Variants in CDH23 observed in about 807,000 individuals in gnomAD.
The protein encoded by CDH23 is cadherin-23.
Under a neutral mutation model 317.1 loss-of-function variants are expected in CDH23, and 189 were observed. The ratio of observed to expected loss-of-function variants is 0.60; its 90% CI spans 0.53 to 0.67. The LOEUF is 0.67. Among genes scored for constraint, CDH23 ranks in the 30% least tolerant of loss-of-function variants. The probability of loss-of-function intolerance (pLI) is 0.00; values close to 1 mark genes in which losing one functional copy is unlikely to be tolerated. For missense variants in CDH23, 4,401 were observed against 4,592.4 expected (o/e 0.96, Z 1.20); for synonymous variants, 1,839 against 1,876.8 (o/e 0.98, Z 0.52).
chr10:71,425,657 A>T (rs756081600), intron 1 of CDH23, among the ~76,000 whole-genome samples: 6 of 152,172 alleles, frequency 3.9e-5, no homozygotes, highest in Non-Finnish European at 5.9e-5. Context: ...TGCAGCCTGC[A>T]TGGGGTTCTG....
At chr10:71,493,108 C>T (rs183632468) in intron 3 of CDH23, among the ~76,000 whole-genome samples, 18 of 152,248 alleles carry the variant, frequency 1.2e-4, no homozygotes, top group African/African-American at 3.6e-4. Flanking sequence ...CAGCTCATTG[C>T]GTGGGGGAGT....
rs574150071 is a variant in CDH23 at position 71,558,471 on chromosome 10, C to A, written c.430-8271C>A. Among the ~76,000 whole-genome samples, 48 of 152,280 alleles carry A rather than the reference C, an allele frequency of 3.2e-4. 1 individual carries two copies. The highest frequency in any genetic ancestry group is 1.1e-3 in the African/African-American group (47 of 41,574). ...CTTAAGTTTTTAAATTTCTACTGGG[C>A]CTTTTTTCCTCTTGGAATATTCTTT... On this transcript the variant is annotated intron_variant, in intron 6 of 69. Transcript: ENST00000224721.
intron 29 of CDH23, 99 bp downstream of exon 29, chr10:71,724,204 A>G: frequency 7.7e-7 from 1 of 1,307,114 alleles, no homozygotes. Context: ...GGCCAAGAGA[A>G]CCCCCAGGGC....
chr10:71,477,078 C>A (rs1851829143), intron 3 of CDH23, among the ~76,000 whole-genome samples: 2 of 152,172 alleles, frequency 1.3e-5, no homozygotes, highest in East Asian at 3.9e-4. Flanking sequence ...TTGGGAGGTC[C>A]CAGCAGGGTA....
In CDH23 at chr10:71,565,069, G is replaced by T. The variant is rs564594677; in HGVS notation, c.430-1673G>T. Among the ~76,000 whole-genome samples, 6 of 152,306 alleles carry T rather than the reference G, an allele frequency of 3.9e-5. No homozygotes were observed. In the East Asian group the frequency reaches 1.2e-3, roughly 29 times the overall value. Reference sequence around the variant, plus strand: ...GTGGCCCTCCTTTCTTGTGGCAGGAGCCGTGGGCCCCCATGAAGTGTTTCG... The same window carrying T: ...GTGGCCCTCCTTTCTTGTGGCAGGATCCGTGGGCCCCCATGAAGTGTTTCG... On this transcript the variant is annotated intron_variant, in intron 6 of 69. Transcript: ENST00000224721.
chr10:71,740,145 CA>C lies in CDH23; in HGVS notation c.4488+380del, dbSNP rs1470255876. Among the ~76,000 whole-genome samples, 6 of 152,258 alleles carry C rather than the reference CA, an allele frequency of 3.9e-5. No homozygotes were observed. In the East Asian group the frequency reaches 9.6e-4, roughly 24 times the overall value. On this transcript the variant is annotated intron_variant, in intron 36 of 69. Coordinates refer to ENST00000224721, the MANE Select transcript of CDH23 (RefSeq NM_022124.6). ...TCATTTTCCCCACCTATGCAATGTA[CA>C]AAAAAATCCCCGTCTGGCCTGCCCT...
chr10:71,555,591 G>T (rs1856834991), intron 6 of CDH23, among the ~76,000 whole-genome samples: 1 of 152,226 alleles, frequency 6.6e-6, no homozygotes, highest in Non-Finnish European at 1.5e-5. Context: ...GCCTGGAGGA[G>T]GCAGGTGCAG....
At chr10:71,654,991 A>C (rs1414824596) in intron 14 of CDH23, among the ~76,000 whole-genome samples, 1 of 152,152 alleles carries the variant, frequency 6.6e-6, no homozygotes, top group Non-Finnish European at 1.5e-5. Context: ...GAATTTACAC[A>C]CACGTAAATG....
chr10:71,546,173 G>A (rs776666192), intron 6 of CDH23, among the ~76,000 whole-genome samples: 28 of 151,868 alleles, frequency 1.8e-4, no homozygotes, highest in Non-Finnish European at 1.5e-5. Context: ...AAGCCCCTCC[G>A]CCTCTCCAGT....
chr10:71,495,028 C>A (rs1852881663), intron 3 of CDH23, among the ~76,000 whole-genome samples: 2 of 152,024 alleles, frequency 1.3e-5, no homozygotes, highest in Admixed American at 1.3e-4. Flanking sequence ...TGGGAACCAC[C>A]ACGGAGCCCC....
At chr10:71,512,094 G>A (rs1361114695) in intron 6 of CDH23, 1 of 152,250 alleles carries the variant, frequency 6.6e-6, no homozygotes, top group East Asian at 1.9e-4. Flanking sequence ...AAAAAGCCCT[G>A]AGAGAATATC....
intron 6 of CDH23, among the ~76,000 whole-genome samples, chr10:71,548,171 G>C (rs1407662991): frequency 1.3e-5 from 2 of 152,222 alleles, no homozygotes; most frequent in Non-Finnish European, 2.9e-5. Context: ...GAGCCCAGGG[G>C]ACAGGGCCAC....
At chr10:71,465,621 C>T (rs372864836) in intron 3 of CDH23, among the ~76,000 whole-genome samples, 5 of 152,184 alleles carry the variant, frequency 3.3e-5, no homozygotes, top group Admixed American at 3.3e-4. Context: ...CCCTGCTGGC[C>T]GTGAATTTTT....
At chr10:71,744,800 G>A (rs1231739589) in intron 38 of CDH23, among the ~76,000 whole-genome samples, 2 of 152,336 alleles carry the variant, frequency 1.3e-5, no homozygotes, top group East Asian at 3.9e-4. Flanking sequence ...ATCTCCAGGG[G>A]AATATATATG....
intron 60 of CDH23, among the ~76,000 whole-genome samples, chr10:71,808,654 C>T (rs749318638): frequency 1.3e-5 from 2 of 152,142 alleles, no homozygotes; most frequent in Non-Finnish European, 2.9e-5. Context: ...CAGCCCCAAC[C>T]CCTTCCCCCT....
At chr10:71,767,040 G>A (rs2132902188) in intron 38 of CDH23, among the ~76,000 whole-genome samples, 1 of 152,332 alleles carries the variant, frequency 6.6e-6, no homozygotes, top group Non-Finnish European at 1.5e-5. Flanking sequence ...GGAGGCTGTG[G>A]GGATGCAGAG....
chr10:71,594,959 G>A (rs1320608255), intron 9 of CDH23, among the ~76,000 whole-genome samples: 4 of 152,202 alleles, frequency 2.6e-5, no homozygotes, highest in African/African-American at 9.7e-5. Context: ...CTGACAGGAT[G>A]TGCCATGAGA....
At chr10:71,606,473 G>A (rs1860532912) in intron 9 of CDH23, among the ~76,000 whole-genome samples, 1 of 152,180 alleles carries the variant, frequency 6.6e-6, no homozygotes, top group Non-Finnish European at 1.5e-5. Context: ...AGTCACCCCA[G>A]TATCACTCTG....
At chr10:71,518,632 C>T (rs899218421) in intron 6 of CDH23, among the ~76,000 whole-genome samples, 4 of 152,258 alleles carry the variant, frequency 2.6e-5, no homozygotes, top group African/African-American at 9.6e-5. Flanking sequence ...TTTCGGTCAT[C>T]AGCTGTGCAC....
Sources: allele counts gnomAD v4.1 joint callset (sites outside exome capture counted in the v4.1 genomes callset), GRCh38; gene constraint gnomAD v4.1.1; transcripts MANE v1.5; gene names NCBI Gene and HGNC (gene_info 2026-07-23, HGNC 2026-07-21).